Variants in RAF1 observed in about 807,000 individuals in gnomAD.
The protein encoded by RAF1 is Raf-1 proto-oncogene, serine/threonine kinase.
RAF1 carries 27 observed loss-of-function variants against 81.1 expected under a neutral mutation model. That is an observed-to-expected ratio of 0.33 (90% CI 0.25 to 0.46). The LOEUF is 0.46. Among genes scored for constraint, RAF1 ranks in the 20% least tolerant of loss-of-function variants. The pLI is 1.00. For synonymous variants in RAF1, 298 were observed against 294.0 expected (o/e 1.01, Z -0.14); for missense variants, 598 against 826.0 (o/e 0.72, Z 3.38).
chr3:12,660,298 G>C (rs1189639528), intron 1 of RAF1, among the ~76,000 whole-genome samples: 8 of 132,032 alleles, frequency 6.1e-5, no homozygotes, highest in Non-Finnish European at 1.3e-4. Flanking sequence ...TCTATTGAAG[G>C]CACACTTTTT....
intron 1 of RAF1, among the ~76,000 whole-genome samples, chr3:12,628,784 C>T (rs1056419290): frequency 2.7e-5 from 4 of 147,982 alleles, no homozygotes; most frequent in Non-Finnish European, 6.0e-5. Context: ...CATGGTCTCA[C>T]TCTGTTGGCC....
intron 1 of RAF1, among the ~76,000 whole-genome samples, chr3:12,650,956 G>A (rs906998884): frequency 8.5e-5 from 13 of 152,138 alleles, no homozygotes; most frequent in Non-Finnish European, 1.6e-4. Context: ...ACAGACTAAC[G>A]CAGAGGTAAA....
chr3:12,594,835 C>T (rs1291636187), intron 11 of RAF1, among the ~76,000 whole-genome samples: 2 of 152,124 alleles, frequency 1.3e-5, no homozygotes. Context: ...AAAGACAGTG[C>T]CCATGGTACT....
intron 1 of RAF1, among the ~76,000 whole-genome samples, chr3:12,620,675 A>G (rs1177320202): frequency 6.6e-6 from 1 of 151,684 alleles, no homozygotes; most frequent in African/African-American, 2.4e-5. Flanking sequence ...AAAGGCTCTC[A>G]CTATGTTGCC....
At chr3:12,617,894 A>G (rs2059427041) in intron 2 of RAF1, among the ~76,000 whole-genome samples, 2 of 91,678 alleles carry the variant, frequency 2.2e-5, no homozygotes, top group Admixed American at 1.0e-4. Context: ...AAAAAAAAAG[A>G]AAAGAAAAAG....
chr3:12,611,914 T>C lies in RAF1; in HGVS notation c.320+36A>G, dbSNP rs758106333. 2.8e-6 allele frequency: 4 copies of C among 1,444,182 alleles called. No individual in the cohort carries two copies. In the East Asian group the frequency reaches 6.8e-5, roughly 25 times the overall value. The allele number at this position is 1,444,182 out of a possible 1,614,324, so 89.5% of individuals were successfully genotyped here. A position where few individuals can be genotyped will look rare whatever the true frequency, so the allele number is the denominator to read the frequency against. On this transcript the variant is annotated intron_variant, in intron 3 of 17. Coordinates refer to ENST00000442415, the MANE Select transcript of RAF1 (RefSeq NM_001354689.3). The stretch of plus-strand genomic sequence containing the variant: ...CTATTTGAAGCTAGAAGATCCTTAC[T>C]AGTCTGAAGAAGTCAATTGACTTTT...
intron 11 of RAF1, chr3:12,592,054 A>G: frequency 2.0e-6 from 1 of 506,664 alleles, no homozygotes; most frequent in Non-Finnish European, 3.6e-6. Context: ...CTGGGATTAT[A>G]GGTCCAATCT....
chr3:12,643,091 T>G (rs924122706), intron 1 of RAF1, among the ~76,000 whole-genome samples: 6 of 152,078 alleles, frequency 3.9e-5, no homozygotes, highest in African/African-American at 1.4e-4. Context: ...GTCTAAACAC[T>G]GGTAAGGCAA....
intron 6 of RAF1, among the ~76,000 whole-genome samples, chr3:12,604,626 G>A (rs1479037514): frequency 6.6e-6 from 1 of 152,008 alleles, no homozygotes; most frequent in African/African-American, 2.4e-5. Flanking sequence ...TGACAACCAC[G>A]CTACCACCTA....
chr3:12,613,426 C>A (rs534667289), intron 2 of RAF1, among the ~76,000 whole-genome samples: 2 of 151,864 alleles, frequency 1.3e-5, no homozygotes, highest in South Asian at 2.1e-4. Context: ...GCCATCCCCC[C>A]CCACACCCCG....
At chr3:12,607,928 T>C (rs529898461) in intron 5 of RAF1, among the ~76,000 whole-genome samples, 45 of 106,224 alleles carry the variant, frequency 4.2e-4, no homozygotes, top group Non-Finnish European at 7.1e-4. Context: ...TCCAGCCTAA[T>C]GACAGAAAGA....
In RAF1 at chr3:12,584,459, G is replaced by A. The variant is rs1247566917; in HGVS notation, c.*55C>T. 1 of 1,609,228 alleles carries A rather than the reference G, an allele frequency of 6.2e-7. No homozygotes were observed. The highest frequency in any genetic ancestry group is 2.2e-5 in the East Asian group (1 of 44,866). ...TCTGGAGAAAGGGAGCAGAAAAGTG[G>A]TGCCTGCTGGCTTCTCCTCCTCCCC... On this transcript the variant is annotated 3_prime_UTR_variant, in exon 18 of 18. Transcript: ENST00000442415.
intron 1 of RAF1, among the ~76,000 whole-genome samples, chr3:12,651,121 G>T (rs180916336): frequency 1.3e-5 from 2 of 152,062 alleles, no homozygotes; most frequent in Non-Finnish European, 2.9e-5. Flanking sequence ...ATTATAAATA[G>T]CAAGCCTTTT....
At position 12,597,269 on chromosome 3, in the gene RAF1, C is replaced by A. The variant is rs531213815; in HGVS notation, c.1168+2422G>T. Among the ~76,000 whole-genome samples the A allele has an allele frequency of 2.2e-3, 333 of 152,260 alleles. 1 individual carries two copies. Among genetic ancestry groups the A allele is most frequent in the African/African-American group, 7.7e-3 (319 of 41,540 alleles). On this transcript the variant is annotated intron_variant, in intron 11 of 17. Transcript: ENST00000442415. Reference sequence around the variant, plus strand: ...AGTCTTTATGGAAGTAACACTGTAACAAATAATCTTTATCACAGTTTGAAA... The same window carrying A: ...AGTCTTTATGGAAGTAACACTGTAAAAAATAATCTTTATCACAGTTTGAAA...
At chr3:12,621,528 A>G (rs925305195) in intron 1 of RAF1, among the ~76,000 whole-genome samples, 1 of 152,260 alleles carries the variant, frequency 6.6e-6, no homozygotes, top group Non-Finnish European at 1.5e-5. Flanking sequence ...AGTTATTCTC[A>G]TACAGTCTTT....
chr3:12,624,885 C>CAAAAAAAAAAAAA (rs11298876), intron 1 of RAF1, among the ~76,000 whole-genome samples: 9 of 111,708 alleles, frequency 8.1e-5, no homozygotes, highest in Admixed American at 3.0e-4. Flanking sequence ...GACTCCAACT[C>CAAAAAAAAAAAAA]AAAAAAAAAA....
intron 1 of RAF1, among the ~76,000 whole-genome samples, chr3:12,630,902 C>G (rs543852235): frequency 9.2e-5 from 14 of 152,302 alleles, no homozygotes; most frequent in African/African-American, 3.4e-4. Context: ...TTCCTGGGTT[C>G]AAGCGATTCT....
chr3:12,600,627 A>G (rs572995608), intron 8 of RAF1, among the ~76,000 whole-genome samples: 38 of 152,346 alleles, frequency 2.5e-4, no homozygotes, highest in African/African-American at 8.9e-4. Context: ...TTCATTAAAT[A>G]TTAGAAGGAT....
intron 11 of RAF1, among the ~76,000 whole-genome samples, chr3:12,597,735 C>T (rs757689487): frequency 2.2e-4 from 33 of 151,800 alleles, no homozygotes; most frequent in East Asian, 1.9e-4. Flanking sequence ...GGAAACATGG[C>T]GAAACCCCAT....
Sources: allele counts gnomAD v4.1 joint callset (sites outside exome capture counted in the v4.1 genomes callset), GRCh38; gene constraint gnomAD v4.1.1; transcripts MANE v1.5; gene names NCBI Gene and HGNC (gene_info 2026-07-23, HGNC 2026-07-21).